Variants in ABCA1 observed in about 807,000 individuals in gnomAD.
The protein encoded by ABCA1 is ATP binding cassette subfamily A member 1.
A neutral mutation model predicts 262.5 loss-of-function variants in ABCA1; 133 were observed. The ratio of observed to expected loss-of-function variants is 0.51; its 90% CI spans 0.44 to 0.59. The LOEUF is 0.59. Among genes scored for constraint, ABCA1 ranks in the 20% least tolerant of loss-of-function variants. ABCA1 has a pLI of 0.00. For synonymous variants in ABCA1, 1,022 were observed against 1,043.5 expected, an observed-to-expected ratio of 0.98 and a Z score of 0.40; for missense variants, 2,452 against 2,777.5, an observed-to-expected ratio of 0.88 and a Z score of 2.63.
intron 7 of ABCA1, chr9:104,855,855 G>A (rs1835790973): frequency 6.2e-7 from 1 of 1,612,182 alleles, no homozygotes; most frequent in East Asian, 2.2e-5. Context: ...AGGAGGCCCA[G>A]GAGAAACTCA....
In ABCA1 at chr9:104,893,421, C is replaced by CAAAAAAAAAAAAAAAAAAAAAAAA. The variant is rs34544647; in HGVS notation, c.67-4250_67-4227dup. ...TGGGCAACAGAGTGAGACTTCACCT[C>CAAAAAAAAAAAAAAAAAAAAAAAA]AAAAAAAAAAAAAAAAAAAAAAAAA... On this transcript the variant is annotated intron_variant, in intron 2 of 49. Coordinates refer to ENST00000374736, the MANE Select transcript of ABCA1 (RefSeq NM_005502.4). 1.4e-3 allele frequency among the ~76,000 whole-genome samples: 50 copies of CAAAAAAAAAAAAAAAAAAAAAAAA among 35,256 alleles called. 5 individuals are homozygous for CAAAAAAAAAAAAAAAAAAAAAAAA. The highest frequency in any genetic ancestry group is 2.7e-3 in the East Asian group (2 of 750). The allele number at this position is 35,256 out of a possible 152,430, so 23.1% of individuals were successfully genotyped here. A position where few individuals can be genotyped will look rare whatever the true frequency, so the allele number is the denominator to read the frequency against.
intron 1 of ABCA1, among the ~76,000 whole-genome samples, chr9:104,905,315 T>C (rs1029890731): frequency 1.3e-5 from 2 of 152,234 alleles, no homozygotes; most frequent in Non-Finnish European, 1.5e-5. Context: ...GGTCAGTCTC[T>C]AGTAGAACAA....
rs989896136 is a variant in ABCA1 at position 104,837,004 on chromosome 9, G to A, written c.1287C>T (p.Asn429=). The A allele has an allele frequency of 6.2e-7, 1 of 1,614,056 alleles. No homozygotes were observed. The highest frequency in any genetic ancestry group is 1.1e-5 in the South Asian group (1 of 91,082). The change falls in exon 11 of 50, where the codon AAC becomes AAT. Residue 429 remains asparagine, a synonymous_variant. Transcript: ENST00000374736. ...CCCGGACAAGGTCCATTTCTTGGCT[G>A]TTCTCCATGAAGGTCCAGATCTTGG... ...LSPKIWTFME[N]SQEMDLVRML... is the part of the protein sequence containing the mutation.
chr9:104,825,325 T>G (rs902403011), intron 17 of ABCA1, among the ~76,000 whole-genome samples: 2 of 152,206 alleles, frequency 1.3e-5, no homozygotes, highest in Admixed American at 6.5e-5. Flanking sequence ...GTACCAACAT[T>G]TAACAGTTGT....
chr9:104,876,633 A>G (rs963531394), intron 5 of ABCA1, among the ~76,000 whole-genome samples: 3 of 152,362 alleles, frequency 2.0e-5, no homozygotes, highest in Admixed American at 6.5e-5. Flanking sequence ...GGAAATACAC[A>G]GTAAAAATAA....
rs866428233 is a variant in ABCA1 at position 104,783,447 on chromosome 9, A to G, written c.*868T>C. ...AGGCTTCCCTAGGTTTGAACGCACAATCTCTTTAATCCCATGCCCTGGCTT... is the reference window on the plus strand; with the variant it reads ...AGGCTTCCCTAGGTTTGAACGCACAGTCTCTTTAATCCCATGCCCTGGCTT... On this transcript the variant is annotated 3_prime_UTR_variant, in exon 50 of 50. Transcript: ENST00000374736. 5.9e-5 allele frequency: 9 copies of G among 152,222 alleles called. No homozygotes were observed. Among genetic ancestry groups the G allele is most frequent in the African/African-American group, 1.4e-4 (6 of 41,442 alleles). 9.4% of individuals were successfully genotyped at this position (152,222 alleles called of 1,614,324 possible). A position where few individuals can be genotyped will look rare whatever the true frequency, so the allele number is the denominator to read the frequency against.
chr9:104,900,570 C>T (rs2118413075), intron 2 of ABCA1, among the ~76,000 whole-genome samples: 1 of 152,276 alleles, frequency 6.6e-6, no homozygotes, highest in Middle Eastern at 3.4e-3. Context: ...GAAATCTAAG[C>T]CAGGTGGATT....
At chr9:104,793,072 G>T in intron 41 of ABCA1, 99 bp downstream of exon 41, 1 of 1,589,354 alleles carries the variant, frequency 6.3e-7, no homozygotes, top group South Asian at 1.1e-5. Context: ...CACATATTTT[G>T]AGTTCAGTTC....
intron 7 of ABCA1, among the ~76,000 whole-genome samples, chr9:104,857,339 C>T (rs2487055): frequency 0.41 from 62,457 of 151,848 alleles, 15,577 homozygotes; most frequent in African/African-American, 0.71. Context: ...CTCAAGCGAT[C>T]CTCCTGCCTC....
At chr9:104,887,256 C>T (rs962768348) in intron 3 of ABCA1, among the ~76,000 whole-genome samples, 26 of 151,760 alleles carry the variant, frequency 1.7e-4, no homozygotes, top group Non-Finnish European at 1.6e-4. Context: ...CCAGTCTGGG[C>T]AACAGAGCAA....
intron 49 of ABCA1, among the ~76,000 whole-genome samples, chr9:104,784,725 C>T (rs569125493): frequency 1.2e-3 from 188 of 152,282 alleles, no homozygotes; most frequent in African/African-American, 4.3e-3. Flanking sequence ...CTCACTGTAA[C>T]CTCCACCTCC....
intron 1 of ABCA1, among the ~76,000 whole-genome samples, chr9:104,911,151 G>T (rs899667003): frequency 6.6e-6 from 1 of 152,170 alleles, no homozygotes; most frequent in South Asian, 2.1e-4. Context: ...GCAGGAGGTG[G>T]ATTTAACTAC....
intron 5 of ABCA1, among the ~76,000 whole-genome samples, chr9:104,862,494 G>T (rs1484882537): frequency 6.6e-6 from 1 of 151,918 alleles, no homozygotes; most frequent in Non-Finnish European, 1.5e-5. Flanking sequence ...CCTTTTCACA[G>T]AGCTAAAATT....
intron 5 of ABCA1, among the ~76,000 whole-genome samples, chr9:104,866,282 T>C (rs1384268342): frequency 6.6e-6 from 1 of 152,096 alleles, no homozygotes; most frequent in Non-Finnish European, 1.5e-5. Flanking sequence ...TGGCTTTGTA[T>C]CTGCTGGTCT....
intron 2 of ABCA1, among the ~76,000 whole-genome samples, chr9:104,901,752 G>GA (rs1292466014): frequency 6.6e-6 from 1 of 152,152 alleles, no homozygotes; most frequent in Non-Finnish European, 1.5e-5. Flanking sequence ...AGATTATCTG[G>GA]ATTTGAACCC....
chr9:104,867,629 A>G lies in ABCA1; in HGVS notation c.422-5829T>C, dbSNP rs575321645. 3.1e-4 allele frequency among the ~76,000 whole-genome samples: 47 copies of G among 152,330 alleles called. 2 individuals are homozygous for G. In the South Asian group the frequency reaches 9.1e-3, roughly 30 times the overall value. ...TGAGTTCTTTCTGCTGATACTATCT[A>G]TAAGGTAAAGGAAAGGTTGAAGCTG... is the stretch of plus-strand genomic sequence containing the variant. On this transcript the variant is annotated intron_variant, in intron 5 of 49. Coordinates refer to ENST00000374736, the MANE Select transcript of ABCA1 (RefSeq NM_005502.4).
In ABCA1 at chr9:104,794,464, A is replaced by C; in HGVS notation, c.5429T>G (p.Phe1810Cys). ...NDILKSVFLI[F>C]PHFCLGRGLI... ...CCCTCGTCCCAGGCAAAAATGTGGG[A>C]AGATCAAGAACACGGACTTCAGGAT... The change falls in exon 40 of 50, where the codon TTC becomes TGC. Residue 1810 changes from phenylalanine to cysteine, a missense_variant. By Grantham distance (205) the Phe-to-Cys change is radical (BLOSUM62 -2). Coordinates refer to ENST00000374736, the MANE Select transcript of ABCA1 (RefSeq NM_005502.4). 6.2e-7 allele frequency: 1 copy of C among 1,613,188 alleles called. No individual in the cohort carries two copies. Among genetic ancestry groups the C allele is most frequent in the Non-Finnish European group, 8.5e-7 (1 of 1,179,666 alleles).
chr9:104,813,029 A>G (rs561503908), intron 27 of ABCA1, among the ~76,000 whole-genome samples: 1 of 152,356 alleles, frequency 6.6e-6, no homozygotes, highest in East Asian at 1.9e-4. Flanking sequence ...CGGATGAATC[A>G]AGTCATCAAT....
Position 104,786,306 on chromosome 9 carries a change from T to TA in ABCA1, c.6392dup (p.Asn2133LysfsTer2). The stretch of plus-strand genomic sequence containing the variant: ...GAAATTATCTTTATTACCTATTTTT[T>TA]AGATGCTGGACACTGCCAAGGCACC... On this transcript the variant is annotated frameshift_variant, in exon 48 of 50. Transcript: ENST00000374736. LOFTEE classifies it high-confidence loss of function. The TA allele has an allele frequency of 6.2e-7, 1 of 1,613,688 alleles. No homozygotes were observed. The highest frequency in any genetic ancestry group is 8.5e-7 in the Non-Finnish European group (1 of 1,179,640).
Sources: allele counts gnomAD v4.1 joint callset (sites outside exome capture counted in the v4.1 genomes callset), GRCh38; gene constraint gnomAD v4.1.1; transcripts MANE v1.5; gene names NCBI Gene and HGNC (gene_info 2026-07-23, HGNC 2026-07-21).